Variants in LIMD1 observed in about 807,000 individuals in gnomAD.
The protein encoded by LIMD1 is LIM domain-containing protein 1.
A neutral mutation model predicts 58.4 loss-of-function variants in LIMD1; 23 were observed. The observed-to-expected ratio is 0.39, with a 90% confidence interval of 0.28 to 0.56. The LOEUF (loss-of-function observed/expected upper bound fraction) is 0.56. Ranked by LOEUF, LIMD1 falls within the 20% of genes least tolerant of loss-of-function variation. The pLI is 0.57. For synonymous variants in LIMD1, 334 were observed against 345.5 expected, an observed-to-expected ratio of 0.97 and a Z score of 0.37; for missense variants, 838 against 855.5, an observed-to-expected ratio of 0.98 and a Z score of 0.25.
At chr3:45,598,556 A>G (rs906960288) in intron 1 of LIMD1, among the ~76,000 whole-genome samples, 4 of 152,164 alleles carry the variant, frequency 2.6e-5, no homozygotes, top group Non-Finnish European at 5.9e-5. Flanking sequence ...GGTCTTGGGG[A>G]TACATAGTGA....
intron 2 of LIMD1, among the ~76,000 whole-genome samples, chr3:45,648,994 A>G (rs906968942): frequency 6.6e-6 from 1 of 152,078 alleles, no homozygotes; most frequent in African/African-American, 2.4e-5. Flanking sequence ...GTGGACTGTC[A>G]TTTCATTTCT....
intron 1 of LIMD1, among the ~76,000 whole-genome samples, chr3:45,630,718 G>T (rs893563): frequency 6.6e-6 from 1 of 151,746 alleles, no homozygotes; most frequent in Non-Finnish European, 1.5e-5. Context: ...TGATGGGGGG[G>T]GTTGGGGGGC....
Position 45,596,062 on chromosome 3 carries a change from A to G in LIMD1, c.1183A>G (p.Thr395Ala). 6.2e-7 allele frequency: 1 copy of G among 1,614,032 alleles called. No individual in the cohort carries two copies. The highest frequency in any genetic ancestry group is 1.1e-5 in the South Asian group (1 of 91,078). The stretch of plus-strand genomic sequence containing the variant: ...CAGTCTTGTCCATCCAGTGATGTCC[A>G]CCCTGCCTGAGTTATCTTGTAAAGA... Reference protein sequence around the residue: ...PTSLVHPVMSTLPELSCKEGP... With the variant: ...PTSLVHPVMSALPELSCKEGP... The change falls in exon 1 of 8, where the codon ACC becomes GCC. Residue 395 changes from threonine to alanine, a missense_variant. Thr to Ala is a moderately conservative substitution (Grantham distance 58, BLOSUM62 0). Around this residue, in one of 3 missense-constraint regions of LIMD1, gnomAD observed 659 missense variants for 639.8 expected, o/e 1.03. Transcript: ENST00000273317.
At chr3:45,670,087 C>T (rs1697570489) in intron 4 of LIMD1, among the ~76,000 whole-genome samples, 1 of 152,116 alleles carries the variant, frequency 6.6e-6, no homozygotes, top group South Asian at 2.1e-4. Context: ...GGCCCTTCCC[C>T]CATGCTCGCA....
rs1357592738 is a variant in LIMD1, at chr3:45,674,604, GTCTT to G, written c.1893+198_1893+201del. 5.4e-6 allele frequency: 3 copies of G among 557,026 alleles called. No individual in the cohort carries two copies. The East Asian group carries it at 8.5e-5, about 16-fold the overall frequency. 34.5% of individuals were successfully genotyped at this position (557,026 alleles called of 1,614,324 possible). A position where few individuals can be genotyped will look rare whatever the true frequency, so the allele number is the denominator to read the frequency against. Reference sequence around the variant, plus strand: ...AGATGGAAATGCTCAAGGTATAAAGGTCTTTCTTCTGCATATTCAGAACTATCAA... The same window carrying G: ...AGATGGAAATGCTCAAGGTATAAAGGTCTTCTGCATATTCAGAACTATCAA... On this transcript the variant is annotated intron_variant, in intron 7 of 7. Coordinates refer to ENST00000273317, the MANE Select transcript of LIMD1 (RefSeq NM_014240.3).
intron 2 of LIMD1, among the ~76,000 whole-genome samples, chr3:45,647,085 A>G (rs2125662009): frequency 6.6e-6 from 1 of 152,310 alleles, no homozygotes; most frequent in African/African-American, 2.4e-5. Flanking sequence ...TATATGGGAG[A>G]AGAAAATCAC....
At chr3:45,641,417 T>C (rs551354187) in intron 2 of LIMD1, among the ~76,000 whole-genome samples, 1 of 151,992 alleles carries the variant, frequency 6.6e-6, no homozygotes, top group African/African-American at 2.4e-5. Flanking sequence ...TGTATATGTA[T>C]CTTTTCTATT....
chr3:45,668,375 G>A lies in LIMD1; in HGVS notation c.1641+19G>A. 1 of 1,594,936 alleles carries A rather than the reference G, an allele frequency of 6.3e-7. No individual in the cohort carries two copies. Among genetic ancestry groups the A allele is most frequent in the Non-Finnish European group, 8.6e-7 (1 of 1,163,738 alleles). On this transcript the variant is annotated intron_variant, in intron 4 of 7. Coordinates refer to ENST00000273317, the MANE Select transcript of LIMD1 (RefSeq NM_014240.3). ...GGACATGGTGAGTAGGTCAGCCAAAGAAGAGAACAGCATCTCAGGTGGAGG... is the reference window on the plus strand; with the variant it reads ...GGACATGGTGAGTAGGTCAGCCAAAAAAGAGAACAGCATCTCAGGTGGAGG...
rs145936245 is a variant in LIMD1, at chr3:45,658,593, C to T, written c.1511-7057C>T. ...GAGACTGAGTTTTGCTCATGTTGCT[C>T]ATTGCAGGCTGGAGTGCAATGGTGT... On this transcript the variant is annotated intron_variant, in intron 2 of 7. Coordinates refer to ENST00000273317, the MANE Select transcript of LIMD1 (RefSeq NM_014240.3). 1.1e-3 allele frequency among the ~76,000 whole-genome samples: 111 copies of T among 99,118 alleles called. 1 individual carries two copies. Among genetic ancestry groups the T allele is most frequent in the Middle Eastern group, 0.028 (2 of 72 alleles). 65.0% of individuals were successfully genotyped at this position (99,118 alleles called of 152,430 possible). A position where few individuals can be genotyped will look rare whatever the true frequency, so the allele number is the denominator to read the frequency against.
chr3:45,604,817 G>A (rs1451358996), intron 1 of LIMD1, among the ~76,000 whole-genome samples: 1 of 152,142 alleles, frequency 6.6e-6, no homozygotes, highest in African/African-American at 2.4e-5. Flanking sequence ...TTTCTCTCTG[G>A]AGTCCTCCCT....
At chr3:45,614,101 A>G (rs2125651900) in intron 1 of LIMD1, among the ~76,000 whole-genome samples, 1 of 152,288 alleles carries the variant, frequency 6.6e-6, no homozygotes. Flanking sequence ...TATCTTCACA[A>G]GATATTTTAT....
intron 4 of LIMD1, among the ~76,000 whole-genome samples, chr3:45,669,787 A>C (rs983911125): frequency 1.3e-5 from 2 of 152,202 alleles, no homozygotes; most frequent in South Asian, 4.1e-4. Flanking sequence ...CATTGTATGG[A>C]TATAGCACAA....
intron 1 of LIMD1, among the ~76,000 whole-genome samples, chr3:45,616,763 T>A (rs1216779234): frequency 1.3e-5 from 2 of 152,066 alleles, no homozygotes; most frequent in Admixed American, 6.6e-5. Flanking sequence ...AAGTCTTTTT[T>A]TTTTTTTTTG....
intron 4 of LIMD1, 25 bp from the exon 5 acceptor site, chr3:45,672,665 C>T: frequency 6.2e-7 from 1 of 1,612,392 alleles, no homozygotes; most frequent in South Asian, 1.1e-5. Context: ...CTATAATCCC[C>T]ACTGAGTCTT....
chr3:45,649,153 C>T (rs145080865), intron 2 of LIMD1, among the ~76,000 whole-genome samples: 46 of 152,204 alleles, frequency 3.0e-4, no homozygotes, highest in Non-Finnish European at 6.2e-4. Flanking sequence ...ATGTTTTCTT[C>T]TAAATGTTTT....
intron 1 of LIMD1, among the ~76,000 whole-genome samples, chr3:45,600,031 G>C (rs1355650547): frequency 6.6e-6 from 1 of 152,216 alleles, no homozygotes; most frequent in Non-Finnish European, 1.5e-5. Context: ...TGAGGAGGCT[G>C]GACAGCTGAG....
intron 2 of LIMD1, among the ~76,000 whole-genome samples, chr3:45,655,166 T>C (rs186468902): frequency 8.5e-5 from 13 of 152,240 alleles, no homozygotes; most frequent in African/African-American, 2.9e-4. Flanking sequence ...GTGATCTGCC[T>C]ACCTCAGCCT....
chr3:45,605,687 C>A (rs1203262167), intron 1 of LIMD1, among the ~76,000 whole-genome samples: 1 of 152,230 alleles, frequency 6.6e-6, no homozygotes, highest in Non-Finnish European at 1.5e-5. Context: ...ACATGGCAAG[C>A]CACTGGTATG....
In LIMD1 at chr3:45,677,405, T is replaced by C. The variant is rs1045890224; in HGVS notation, c.*346T>C. 2 of 207,230 alleles carry C rather than the reference T, an allele frequency of 9.7e-6. No homozygotes were observed. Among genetic ancestry groups the C allele is most frequent in the African/African-American group, 4.6e-5 (2 of 43,592 alleles). The allele number at this position is 207,230 out of a possible 1,614,324, so 12.8% of individuals were successfully genotyped here. A position where few individuals can be genotyped will look rare whatever the true frequency, so the allele number is the denominator to read the frequency against. ...ATGCTTCAGAGGGAGAGGTTTTTATTGAGCTTGTTTCACAATATCCCCTTG... is the reference window on the plus strand; with the variant it reads ...ATGCTTCAGAGGGAGAGGTTTTTATCGAGCTTGTTTCACAATATCCCCTTG... On this transcript the variant is annotated 3_prime_UTR_variant, in exon 8 of 8. Transcript: ENST00000273317.
Sources: allele counts gnomAD v4.1 joint callset (sites outside exome capture counted in the v4.1 genomes callset), GRCh38; gene constraint gnomAD v4.1.1; regional missense constraint gnomAD v4.1.1; transcripts MANE v1.5; gene names NCBI Gene and HGNC (gene_info 2026-07-23, HGNC 2026-07-21).